Variants in USP32 observed in about 807,000 individuals in gnomAD.
USP32 encodes the protein ubiquitin carboxyl-terminal hydrolase 32.
USP32 carries 59 observed loss-of-function variants against 204.8 expected under a neutral mutation model. The ratio of observed to expected loss-of-function variants is 0.29; its 90% CI spans 0.23 to 0.36. The LOEUF is 0.36. Among genes scored for constraint, USP32 ranks in the 10% least tolerant of loss-of-function variants. The probability of loss-of-function intolerance (pLI) is 1.00; values close to 1 mark genes in which losing one functional copy is unlikely to be tolerated. For missense variants in USP32, 1,160 were observed against 1,946.4 expected (o/e 0.60, Z 7.60); for synonymous variants, 517 against 678.4 (o/e 0.76, Z 3.70).
chr17:60,240,852 G>C (rs2085859669), intron 11 of USP32, among the ~76,000 whole-genome samples: 1 of 152,088 alleles, frequency 6.6e-6, no homozygotes, highest in Non-Finnish European at 1.5e-5. Context: ...GTGACTGCAG[G>C]TGGCTGGCTC....
chr17:60,183,397 T>C lies in USP32; in HGVS notation c.3891A>G (p.Lys1297=). The change falls in exon 31 of 34, where the codon AAA becomes AAG. Residue 1297 remains lysine, a synonymous_variant. Transcript: ENST00000300896. The part of the protein sequence containing the change: ...FVNGRWIKSQ[K]IVKFPRESFD... ...AACTTTCCCGAGGAAATTTGACAATTTTCTGTGATTTTATCCACCGACCAT... is the reference window on the plus strand; with the variant it reads ...AACTTTCCCGAGGAAATTTGACAATCTTCTGTGATTTTATCCACCGACCAT... The C allele has an allele frequency of 6.2e-7, 1 of 1,613,442 alleles. No homozygotes were observed. Among genetic ancestry groups the C allele is most frequent in the Non-Finnish European group, 8.5e-7 (1 of 1,179,604 alleles).
At chr17:60,275,969 A>C (rs1394396143) in intron 5 of USP32, among the ~76,000 whole-genome samples, 1 of 152,148 alleles carries the variant, frequency 6.6e-6, no homozygotes, top group Non-Finnish European at 1.5e-5. Context: ...AGAGGAATAT[A>C]CACTGTGTCA....
rs1249232647 is a variant in USP32 at position 60,190,695 on chromosome 17, G to T, written c.3522-12C>A. 2 of 1,585,818 alleles carry T rather than the reference G, an allele frequency of 1.3e-6. No individual in the cohort carries two copies. The highest frequency in any genetic ancestry group is 2.7e-5 in the African/African-American group (2 of 72,896). On this transcript the variant is annotated splice_polypyrimidine_tract_variant and intron_variant, in intron 28 of 33. Transcript: ENST00000300896. ...AGCCTCTGCAAAATCTAAAAAGGGG[G>T]AAAAGATCCACAGAGGAAGAAATAA... is the stretch of plus-strand genomic sequence containing the variant.
chr17:60,235,906 T>C (rs1319329505), intron 12 of USP32, among the ~76,000 whole-genome samples: 55 of 152,204 alleles, frequency 3.6e-4, no homozygotes. Flanking sequence ...CCGTACCCAA[T>C]ATTATCTTTT....
rs1598285776 is a variant in USP32, at chr17:60,361,782, T to C, written c.59-16174A>G. ...TTCAGAAGGTATAAATCTGGCACCC[T>C]GCTATTATGTCCTCATTTCTATTCC... is the stretch of plus-strand genomic sequence containing the variant. On this transcript the variant is annotated intron_variant, in intron 1 of 33. Transcript: ENST00000300896. 2.0e-5 allele frequency among the ~76,000 whole-genome samples: 3 copies of C among 152,190 alleles called. No homozygotes were observed. In the East Asian group the frequency reaches 5.8e-4, roughly 29 times the overall value.
intron 1 of USP32, among the ~76,000 whole-genome samples, chr17:60,391,564 T>C (rs1283175396): frequency 6.6e-6 from 1 of 152,194 alleles, no homozygotes; most frequent in Non-Finnish European, 1.5e-5. Context: ...CTGGATGGGC[T>C]GGAGCCGCCC....
In USP32 at chr17:60,422,296, C is replaced by T. The variant is rs1327535957; in HGVS notation, c.56G>A (p.Trp19Ter). 2.0e-6 allele frequency: 1 copy of T among 488,654 alleles called. No individual in the cohort carries two copies. Among genetic ancestry groups the T allele is most frequent in the South Asian group, 2.1e-5 (1 of 47,738 alleles). 30.3% of individuals were successfully genotyped at this position (488,654 alleles called of 1,614,324 possible). A position where few individuals can be genotyped will look rare whatever the true frequency, so the allele number is the denominator to read the frequency against. Residue 19 changes from tryptophan to a stop codon, truncating the protein, a stop_gained, in exon 1 of 4, where the codon TGG becomes TAG. Coordinates refer to the USP32 transcript ENST00000588898. LOFTEE classifies it high-confidence loss of function. ...ACAGTATTCTTGGGAGAAGGGGCGC[C>T]AGCCTCTCCTGGCCTGCTGTGCGCT...
At chr17:60,362,115 A>G (rs2089219944) in intron 1 of USP32, among the ~76,000 whole-genome samples, 1 of 152,114 alleles carries the variant, frequency 6.6e-6, no homozygotes, top group Admixed American at 6.6e-5. Context: ...GAACCACCCC[A>G]TCTTTGCAAA....
chr17:60,396,722 A>G (rs2089903569), upstream of USP32, among the ~76,000 whole-genome samples: 1 of 152,204 alleles, frequency 6.6e-6, no homozygotes, highest in Non-Finnish European at 1.5e-5. Flanking sequence ...AACTATGACT[A>G]GGAAAGAAAA....
chr17:60,302,952 GT>G (rs2087623341), intron 2 of USP32, among the ~76,000 whole-genome samples: 1 of 152,114 alleles, frequency 6.6e-6, no homozygotes, highest in East Asian at 1.9e-4. Flanking sequence ...GCCAGGCAAA[GT>G]TTTTGTCAAT....
chr17:60,208,564 G>T, intron 23 of USP32, 90 bp downstream of exon 23: 1 of 1,413,202 alleles, frequency 7.1e-7, no homozygotes, highest in Non-Finnish European at 9.2e-7. Context: ...GTCTTTATTT[G>T]TAAACAAATA....
At chr17:60,417,558 T>C (rs1212914324) in intron 1 of USP32, among the ~76,000 whole-genome samples, 2 of 144,180 alleles carry the variant, frequency 1.4e-5, no homozygotes, top group Non-Finnish European at 3.1e-5. Context: ...GGTTCAAGCG[T>C]TTCTCCTGCC....
chr17:60,242,986 A>G (rs996341193), intron 11 of USP32, among the ~76,000 whole-genome samples: 5 of 152,232 alleles, frequency 3.3e-5, no homozygotes, highest in Non-Finnish European at 7.3e-5. Flanking sequence ...ATTGACAACA[A>G]TAAGTTTTCA....
At chr17:60,342,458 G>A (rs974876527) in intron 2 of USP32, among the ~76,000 whole-genome samples, 2 of 152,210 alleles carry the variant, frequency 1.3e-5, no homozygotes, top group South Asian at 2.1e-4. Context: ...TGCTCTCTTC[G>A]GAGCTGTCAG....
rs760779381 is a variant in USP32 at position 60,252,366 on chromosome 17, A to G, written c.1136+15T>C. ...ATGTGAAATTTCAACTATATAATTG[A>G]AACTACAAATTTACCTAATAATTTG... On this transcript the variant is annotated intron_variant, in intron 11 of 33. Coordinates refer to ENST00000300896, the MANE Select transcript of USP32 (RefSeq NM_032582.4). 6.2e-7 allele frequency: 1 copy of G among 1,602,440 alleles called. No homozygotes were observed. Among genetic ancestry groups the G allele is most frequent in the Admixed American group, 1.7e-5 (1 of 59,034 alleles).
At chr17:60,266,720 A>G (rs2145771407) in intron 7 of USP32, among the ~76,000 whole-genome samples, 3 of 148,226 alleles carry the variant, frequency 2.0e-5, no homozygotes. Flanking sequence ...CAGTGGAATG[A>G]TCTCAGGTCA....
At chr17:60,237,112 CTCTATCTATCTATCTATCTA>C (rs35524070) in intron 11 of USP32, among the ~76,000 whole-genome samples, 57 of 138,224 alleles carry the variant, frequency 4.1e-4, no homozygotes, top group African/African-American at 5.7e-4. Flanking sequence ...AAAAAATCTA[CTCTATCTATCTATCTATCTA>C]TCTATCTATC....
chr17:60,397,334 G>A lies in USP32; in HGVS notation c.106+24912C>T, dbSNP rs568716705. 1.9e-3 allele frequency among the ~76,000 whole-genome samples: 283 copies of A among 152,256 alleles called. 4 individuals carry two copies. The highest frequency in any genetic ancestry group is 4.0e-4 in the Non-Finnish European group (27 of 68,020). On this transcript the variant is annotated intron_variant, in intron 1 of 3. Coordinates refer to the USP32 transcript ENST00000588898. ...TTTGATTTCTTCATCTTGTGGATGA[G>A]AGATTTAAACTCAATCAGGCTTTTT...
chr17:60,307,266 A>AT (rs1368240794), intron 2 of USP32, among the ~76,000 whole-genome samples: 2 of 151,804 alleles, frequency 1.3e-5, no homozygotes, highest in Non-Finnish European at 2.9e-5. Context: ...TACCCAGCTA[A>AT]TTTTTTGTAT....
Sources: gnomAD v4.1 joint callset for allele counts (sites outside exome capture counted in the v4.1 genomes callset) on GRCh38, gnomAD v4.1.1 for gene constraint, MANE v1.5 for transcripts, NCBI Gene and HGNC (gene_info 2026-07-23, HGNC 2026-07-21) for gene names.